Variants in HCN1 observed in about 807,000 individuals in gnomAD.
HCN1 encodes the protein potassium/sodium hyperpolarization-activated cyclic nucleotide-gated channel 1.
HCN1 carries 13 observed loss-of-function variants against 78.9 expected under a neutral mutation model. The ratio of observed to expected loss-of-function variants is 0.16; its 90% confidence interval spans 0.11 to 0.26. The LOEUF is 0.26. Ranked by LOEUF, HCN1 falls within the 10% of genes least tolerant of loss-of-function variation. HCN1 has a pLI of 1.00. For synonymous variants in HCN1, 552 were observed against 455.5 expected, an observed-to-expected ratio of 1.21 and a Z score of -2.70; for missense variants, 810 against 1,154.3, an observed-to-expected ratio of 0.70 and a Z score of 4.32.
intron 2 of HCN1, among the ~76,000 whole-genome samples, chr5:45,621,241 T>A (rs1008916271): frequency 6.6e-6 from 1 of 152,126 alleles, no homozygotes; most frequent in Non-Finnish European, 1.5e-5. Flanking sequence ...CTTCTAGCAA[T>A]CTTTATTCCA....
chr5:45,662,874 A>G (rs1745948670), intron 1 of HCN1, among the ~76,000 whole-genome samples: 1 of 17,772 alleles, frequency 5.6e-5, no homozygotes, highest in Non-Finnish European at 1.0e-4. Context: ...GAAAATGGCC[A>G]TACTGCCCAA....
chr5:45,592,253 A>G (rs1194428972), intron 2 of HCN1, among the ~76,000 whole-genome samples: 1 of 152,088 alleles, frequency 6.6e-6, no homozygotes, highest in Non-Finnish European at 1.5e-5. Flanking sequence ...TGTTTTAAGT[A>G]TTGGAAATCT....
chr5:45,501,504 G>T lies in HCN1; in HGVS notation c.850-39497C>A, dbSNP rs1247455303. Among the ~76,000 whole-genome samples, 5 of 151,740 alleles carry T rather than the reference G, an allele frequency of 3.3e-5. No homozygotes were observed. In the South Asian group the frequency reaches 1.0e-3, roughly 32 times the overall value. ...GGCTGGAGTGTAGTGGCGTGACCTC[G>T]GCTCACTGCAACCTCTGCCTCCCAT... is the stretch of plus-strand genomic sequence containing the variant. On this transcript the variant is annotated intron_variant, in intron 2 of 7. Transcript: ENST00000303230.
At chr5:45,554,067 G>C (rs1743424907) in intron 2 of HCN1, among the ~76,000 whole-genome samples, 2 of 151,864 alleles carry the variant, frequency 1.3e-5, no homozygotes, top group South Asian at 2.1e-4. Flanking sequence ...TACAGCACTG[G>C]CTCATTTCAG....
intron 2 of HCN1, among the ~76,000 whole-genome samples, chr5:45,471,407 C>A (rs1741386177): frequency 6.6e-6 from 1 of 151,910 alleles, no homozygotes; most frequent in South Asian, 2.1e-4. Context: ...ATTTCTTTTG[C>A]AGACTCAGTT....
intron 5 of HCN1, among the ~76,000 whole-genome samples, chr5:45,323,472 T>C (rs538365416): frequency 2.0e-4 from 31 of 152,044 alleles, no homozygotes; most frequent in African/African-American, 7.2e-4. Flanking sequence ...AAAAATAAAA[T>C]GGTAGAATGC....
intron 2 of HCN1, among the ~76,000 whole-genome samples, chr5:45,621,970 C>A (rs1235323515): frequency 2.0e-5 from 3 of 152,114 alleles, no homozygotes; most frequent in Non-Finnish European, 2.9e-5. Context: ...AAGATTAATT[C>A]TTTTTCTTGG....
intron 3 of HCN1, among the ~76,000 whole-genome samples, chr5:45,437,756 T>C (rs528005371): frequency 4.2e-4 from 64 of 152,346 alleles, no homozygotes; most frequent in African/African-American, 1.5e-3. Flanking sequence ...TATAACAAGT[T>C]ACCCTGAAAC....
intron 2 of HCN1, among the ~76,000 whole-genome samples, chr5:45,549,913 G>T (rs564289408): frequency 6.6e-6 from 1 of 152,054 alleles, no homozygotes; most frequent in Non-Finnish European, 1.5e-5. Context: ...ATCATCACTG[G>T]CCATCAGAGA....
At chr5:45,293,479 AAAAAC>A (rs531512653) in intron 6 of HCN1, among the ~76,000 whole-genome samples, 80 of 151,940 alleles carry the variant, frequency 5.3e-4, no homozygotes, top group East Asian at 3.9e-3. Flanking sequence ...CATGGTCTAC[AAAAAC>A]AAAACAAAAC....
chr5:45,270,824 G>A (rs917023526), intron 6 of HCN1, among the ~76,000 whole-genome samples: 3 of 152,100 alleles, frequency 2.0e-5, no homozygotes, highest in Non-Finnish European at 2.9e-5. Flanking sequence ...GCTATTCTCA[G>A]TATGCACAGT....
At chr5:45,522,727 G>T (rs1013017084) in intron 2 of HCN1, among the ~76,000 whole-genome samples, 4 of 151,488 alleles carry the variant, frequency 2.6e-5, no homozygotes, top group Non-Finnish European at 5.9e-5. Context: ...ACATAGACCA[G>T]GGGCTGGTCA....
intron 2 of HCN1, chr5:45,558,977 T>C (rs1743539571): frequency 6.8e-6 from 1 of 146,674 alleles, no homozygotes. Flanking sequence ...CTCAGGCTGG[T>C]CTCAAACTCC....
intron 6 of HCN1, among the ~76,000 whole-genome samples, chr5:45,297,219 G>T (rs1745514739): frequency 6.6e-6 from 1 of 152,110 alleles, no homozygotes; most frequent in Admixed American, 6.6e-5. Flanking sequence ...CTAGTTAACT[G>T]CAGCAGGGAC....
intron 2 of HCN1, among the ~76,000 whole-genome samples, chr5:45,577,232 A>C (rs1743965542): frequency 6.6e-6 from 1 of 152,110 alleles, no homozygotes; most frequent in Admixed American, 6.6e-5. Flanking sequence ...ACATGGAAAT[A>C]ATATTAATAG....
chr5:45,657,879 G>A (rs1032729295), intron 1 of HCN1, among the ~76,000 whole-genome samples: 1 of 152,078 alleles, frequency 6.6e-6, no homozygotes, highest in African/African-American at 2.4e-5. Context: ...TCACAGAATT[G>A]GAAAAAACTA....
At chr5:45,531,652 C>T (rs1742853090) in intron 2 of HCN1, among the ~76,000 whole-genome samples, 1 of 152,198 alleles carries the variant, frequency 6.6e-6, no homozygotes, top group South Asian at 2.1e-4. Context: ...ATACAATTCT[C>T]TGTCATTCTG....
At chr5:45,601,364 G>C (rs534919315) in intron 2 of HCN1, among the ~76,000 whole-genome samples, 179 of 152,228 alleles carry the variant, frequency 1.2e-3, no homozygotes, top group African/African-American at 4.1e-3. Flanking sequence ...TCAGCAAGCA[G>C]CCCATGTGAA....
intron 5 of HCN1, among the ~76,000 whole-genome samples, chr5:45,336,661 A>G (rs1356985287): frequency 6.6e-6 from 1 of 152,114 alleles, no homozygotes; most frequent in Non-Finnish European, 1.5e-5. Context: ...GCTGCTACAC[A>G]AAAGTATCAC....
Sources: gnomAD v4.1 joint callset for allele counts (sites outside exome capture counted in the v4.1 genomes callset) on GRCh38, gnomAD v4.1.1 for gene constraint, MANE v1.5 for transcripts, NCBI Gene and HGNC (gene_info 2026-07-23, HGNC 2026-07-21) for gene names.